The following PTPRD variants were observed in gnomAD, a reference collection of about 807,000 sequenced individuals.
The protein encoded by PTPRD is protein tyrosine phosphatase receptor type D, also known as receptor-type tyrosine-protein phosphatase delta.
In PTPRD, 34 loss-of-function variants were observed where a neutral mutation model predicts 214.5. The observed-to-expected ratio is 0.16, with a 90% CI of 0.12 to 0.21. The LOEUF is 0.21. PTPRD is among the 10% of genes least tolerant of loss of function. PTPRD has a pLI of 1.00. For synonymous variants in PTPRD, 1,128 were observed against 845.7 expected (o/e 1.33, Z -5.79); for missense variants, 2,545 against 2,398.7 (o/e 1.06, Z -1.27).
chr9:9,834,362 T>C (rs1000390402), intron 5 of PTPRD, among the ~76,000 whole-genome samples: 1 of 152,054 alleles, frequency 6.6e-6, no homozygotes, highest in African/African-American at 2.4e-5. Context: ...CATGGATTAT[T>C]GCATAGTGGC....
chr9:10,448,426 T>G (rs987871333), intron 2 of PTPRD, among the ~76,000 whole-genome samples: 2 of 151,988 alleles, frequency 1.3e-5, no homozygotes, highest in Admixed American at 1.3e-4. Context: ...CCTGTCATAT[T>G]AATCAAGATC....
chr9:9,705,852 C>A (rs2097591226), intron 7 of PTPRD, among the ~76,000 whole-genome samples: 1 of 152,044 alleles, frequency 6.6e-6, no homozygotes, highest in Non-Finnish European at 1.5e-5. Context: ...TACTCAATCA[C>A]TTTGAAATTT....
intron 5 of PTPRD, among the ~76,000 whole-genome samples, chr9:9,847,762 T>C (rs1038723380): frequency 4.6e-5 from 7 of 152,052 alleles, no homozygotes; most frequent in African/African-American, 1.7e-4. Context: ...GCCTGTGAAG[T>C]TATTTCGGAG....
chr9:9,667,294 C>G (rs1282755096), intron 7 of PTPRD, among the ~76,000 whole-genome samples: 1 of 152,002 alleles, frequency 6.6e-6, no homozygotes, highest in Non-Finnish European at 1.5e-5. Context: ...TTTCCCCAAG[C>G]CTTATGAGAT....
chr9:8,496,203 C>CACAA (rs1554641855), intron 26 of PTPRD, among the ~76,000 whole-genome samples: 2,004 of 128,478 alleles, frequency 0.016, 27 homozygotes, highest in African/African-American at 0.05. Flanking sequence ...CACACACACA[C>CACAA]ACACACAAAC....
chr9:10,103,377 T>TTTTATATATATATATATATATA (rs1554643479), intron 3 of PTPRD, among the ~76,000 whole-genome samples: 2 of 72,420 alleles, frequency 2.8e-5, no homozygotes, highest in African/African-American at 1.5e-4. Flanking sequence ...AAACTGCATA[T>TTTTATATATATATATATATATA]TATATATATA....
chr9:10,398,691 A>G (rs1212396833), intron 2 of PTPRD, among the ~76,000 whole-genome samples: 2 of 152,032 alleles, frequency 1.3e-5, no homozygotes, highest in Admixed American at 1.3e-4. Flanking sequence ...CAGAGAAAGT[A>G]ATCGGTATTA....
At chr9:9,195,119 CAT>C (rs1569560975) in intron 9 of PTPRD, among the ~76,000 whole-genome samples, 5 of 132,350 alleles carry the variant, frequency 3.8e-5, no homozygotes, top group Admixed American at 7.7e-5. Flanking sequence ...CACACACACA[CAT>C]ATACATACAT....
intron 32 of PTPRD, among the ~76,000 whole-genome samples, 176 bp from the exon 33 acceptor site, chr9:8,460,747 G>C (rs2096374848): frequency 6.6e-6 from 1 of 151,912 alleles, no homozygotes; most frequent in Non-Finnish European, 1.5e-5. Context: ...AAGGATGGAA[G>C]ATGTTTTGTA....
At chr9:8,355,864 C>T (rs1357478428) in intron 39 of PTPRD, among the ~76,000 whole-genome samples, 1 of 152,100 alleles carries the variant, frequency 6.6e-6, no homozygotes, top group East Asian at 1.9e-4. Flanking sequence ...TGGCTGGTCG[C>T]TGGGCCACAC....
chr9:10,419,573 A>G (rs1462074400), intron 2 of PTPRD, among the ~76,000 whole-genome samples: 1 of 151,898 alleles, frequency 6.6e-6, no homozygotes, highest in African/African-American at 2.4e-5. Flanking sequence ...TATACATGAT[A>G]TACTTTGATT....
At chr9:9,374,465 G>C (rs558870704) in intron 9 of PTPRD, among the ~76,000 whole-genome samples, 1 of 152,014 alleles carries the variant, frequency 6.6e-6, no homozygotes, top group African/African-American at 2.4e-5. Flanking sequence ...GAAAATAAAA[G>C]CAGTTTTAAC....
chr9:10,279,903 T>A (rs1278406088), intron 3 of PTPRD, among the ~76,000 whole-genome samples: 1 of 133,252 alleles, frequency 7.5e-6, no homozygotes, highest in Non-Finnish European at 1.5e-5. Flanking sequence ...AATTCTTATC[T>A]TTTAACTAGT....
chr9:8,488,585 A>G (rs545847241), intron 27 of PTPRD, among the ~76,000 whole-genome samples: 3 of 152,374 alleles, frequency 2.0e-5, no homozygotes, highest in East Asian at 1.9e-4. Flanking sequence ...CGACCAACAC[A>G]CACTCTCAGA....
chr9:9,268,384 T>A (rs1005701927), intron 9 of PTPRD, among the ~76,000 whole-genome samples: 2 of 150,962 alleles, frequency 1.3e-5, no homozygotes, highest in African/African-American at 4.8e-5. Context: ...TATAAAAAAA[T>A]AGCCTGTGGT....
intron 10 of PTPRD, among the ~76,000 whole-genome samples, chr9:9,055,614 G>A (rs1219765980): frequency 1.3e-5 from 2 of 151,980 alleles, no homozygotes; most frequent in African/African-American, 4.8e-5. Context: ...CCAATTCAGG[G>A]CCTCAAAACG....
At chr9:10,285,406 C>T (rs956070613) in intron 3 of PTPRD, among the ~76,000 whole-genome samples, 6 of 152,032 alleles carry the variant, frequency 3.9e-5, no homozygotes, top group African/African-American at 1.2e-4. Context: ...TTCCCAAGTG[C>T]AATTTCATTC....
intron 2 of PTPRD, among the ~76,000 whole-genome samples, chr9:10,465,833 T>A (rs1206297696): frequency 6.6e-6 from 1 of 152,206 alleles, no homozygotes; most frequent in Non-Finnish European, 1.5e-5. Context: ...TTTATCAGAA[T>A]ATGTCTTCAT....
At chr9:8,330,160 G>A (rs887204940) in intron 44 of PTPRD, among the ~76,000 whole-genome samples, 1 of 152,088 alleles carries the variant, frequency 6.6e-6, no homozygotes, top group African/African-American at 2.4e-5. Context: ...CTTCCTGGGT[G>A]AGGCAACGCC....
Sources: allele counts gnomAD v4.1 joint callset (sites outside exome capture counted in the v4.1 genomes callset), GRCh38; gene constraint gnomAD v4.1.1; transcripts MANE v1.5; gene names NCBI Gene and HGNC (gene_info 2026-07-23, HGNC 2026-07-21).